Variants in ZNF48 observed in about 807,000 individuals in gnomAD.
ZNF48 encodes the protein zinc finger protein 48, also known as zinc finger protein 553.
In ZNF48, 20 loss-of-function variants were observed where a neutral mutation model predicts 40.0. That is an observed-to-expected ratio of 0.50 (90% CI 0.35 to 0.73). The LOEUF (loss-of-function observed/expected upper bound fraction) is 0.73. Among genes scored for constraint, ZNF48 ranks in the 30% least tolerant of loss-of-function variants. ZNF48 has a pLI of 0.01. For synonymous variants in ZNF48, 298 were observed against 329.7 expected (o/e 0.90, Z 1.04); for missense variants, 726 against 851.9 (o/e 0.85, Z 1.84).
rs776191661 is a variant in ZNF48 at position 30,398,006 on chromosome 16, G to A, written c.756G>A (p.Val252=). ...GGGAGCAGCCCCCCCGACCAGTGGT[G>A]CCCCGACGGCAGCCATCTCGGGCAG... ...HRGEQPPRPV[V]PRRQPSRAAT... Residue 252 remains valine (V), a synonymous_variant, in exon 3 of 3, where the codon GTG becomes GTA. Coordinates refer to ENST00000613509, the MANE Select transcript of ZNF48 (RefSeq NM_001214909.2). The surrounding 1 kb of genome is among the most constrained non-coding windows in gnomAD (Gnocchi z 6.6). 3.7e-6 allele frequency: 6 copies of A among 1,612,942 alleles called. No homozygotes were observed. The highest frequency in any genetic ancestry group is 5.1e-6 in the Non-Finnish European group (6 of 1,179,462).
Position 30,398,734 on chromosome 16 carries a change from T to C in ZNF48, c.1484T>C (p.Val495Ala). The C allele has an allele frequency of 6.2e-7, 1 of 1,613,432 alleles. No individual in the cohort carries two copies. Among genetic ancestry groups the C allele is most frequent in the Non-Finnish European group, 8.5e-7 (1 of 1,179,910 alleles). The change falls in exon 3 of 3, where the codon GTC becomes GCC. Residue 495 changes from valine to alanine, a missense_variant. Val to Ala is a moderately conservative substitution (Grantham distance 64). Around this residue, in one of 5 missense-constraint regions of ZNF48, gnomAD observed 25 missense variants for 51.5 expected, o/e 0.49. Coordinates refer to ENST00000613509, the MANE Select transcript of ZNF48 (RefSeq NM_001214909.2). This position sits in a 1 kb window ranked among gnomAD's most constrained non-coding sequence, Gnocchi z 6.6. The part of the protein sequence containing the change: ...GKGFADSSAR[V>A]KHLRTHRGER... ...GGTTTTGCTGACAGCTCAGCCCGAGTCAAGCACCTCCGCACCCACCGTGGT... is the reference window on the plus strand; with the variant it reads ...GGTTTTGCTGACAGCTCAGCCCGAGCCAAGCACCTCCGCACCCACCGTGGT...
Position 30,399,597 on chromosome 16 carries a change from A to C in ZNF48, c.*490A>C, listed in dbSNP as rs1316353105. The C allele has an allele frequency of 6.5e-6, 1 of 153,548 alleles. No individual in the cohort carries two copies. The highest frequency in any genetic ancestry group is 1.4e-5 in the Non-Finnish European group (1 of 69,132). The allele number at this position is 153,548 out of a possible 1,614,324, so 9.5% of individuals were successfully genotyped here. A position where few individuals can be genotyped will look rare whatever the true frequency, so the allele number is the denominator to read the frequency against. On this transcript the variant is annotated 3_prime_UTR_variant, in exon 3 of 3. Transcript: ENST00000613509. ...CTTGCTCTGGGAGACCAATGCCTGA[A>C]CCAGGGTTTGTTTACCTTCTGAGCT...
chr16:30,389,116 G>C (rs2049922005), intron 1 of ZNF48, among the ~76,000 whole-genome samples: 1 of 151,814 alleles, frequency 6.6e-6, no homozygotes, highest in Non-Finnish European at 1.5e-5. Flanking sequence ...AAAATTGGCT[G>C]GGCACAGTGG....
At chr16:30,393,471 G>A (rs1401816789), upstream of ZNF48, among the ~76,000 whole-genome samples, 3 of 144,912 alleles carry the variant, frequency 2.1e-5, no homozygotes, top group African/African-American at 5.1e-5. Flanking sequence ...TCCAACCTCC[G>A]CCTCTCAGGT....
chr16:30,390,543 G>T (rs1231023666), upstream of ZNF48, among the ~76,000 whole-genome samples: 2 of 149,568 alleles, frequency 1.3e-5, no homozygotes, highest in African/African-American at 2.5e-5. Flanking sequence ...CGAGTAGCTG[G>T]GGCTACAGGC....
chr16:30,390,184 T>C (rs1214052240), intron 1 of ZNF48, among the ~76,000 whole-genome samples: 1 of 152,024 alleles, frequency 6.6e-6, no homozygotes, highest in East Asian at 1.9e-4. Flanking sequence ...ACCCCTTGCA[T>C]CCCTTGAGGG....
rs757552179 is a variant in ZNF48 at position 30,398,942 on chromosome 16, A to G, written c.1692A>G (p.Thr564=). The G allele has an allele frequency of 6.2e-7, 1 of 1,613,702 alleles. No individual in the cohort carries two copies. The highest frequency in any genetic ancestry group is 2.2e-5 in the East Asian group (1 of 44,852). Reference sequence around the variant, plus strand: ...CAGATCTGGTCAAACACAGGCGTACACACACGGGGGAGAAGCCATACAAGT... The same window carrying G: ...CAGATCTGGTCAAACACAGGCGTACGCACACGGGGGAGAAGCCATACAAGT... ...RSSDLVKHRR[T]HTGEKPYKCA... is the part of the protein sequence containing the mutation. Residue 564 remains threonine, a synonymous_variant, in exon 3 of 3, where the codon ACA becomes ACG. Transcript: ENST00000613509. This position sits in a 1 kb window ranked among gnomAD's most constrained non-coding sequence, Gnocchi z 6.6.
At chr16:30,380,228 G>A (rs1177552319) in intron 1 of ZNF48, 1 of 389,810 alleles carries the variant, frequency 2.6e-6, no homozygotes, top group Non-Finnish European at 4.7e-6. Context: ...AGAAACACAA[G>A]ATTCTAAGAT....
chr16:30,390,906 G>A (rs2049937948), upstream of ZNF48, among the ~76,000 whole-genome samples: 1 of 151,526 alleles, frequency 6.6e-6, no homozygotes, highest in Non-Finnish European at 1.5e-5. Flanking sequence ...TTACAGGCGT[G>A]AGCCACCGCG....
intron 1 of ZNF48, among the ~76,000 whole-genome samples, chr16:30,389,517 G>A (rs942580131): frequency 6.6e-6 from 1 of 151,038 alleles, no homozygotes; most frequent in African/African-American, 2.4e-5. Context: ...AGGTTGTGGT[G>A]AGCCGAGATC....
intron 1 of ZNF48, chr16:30,379,449 C>CAGGAGTAGCGGCGTCCCCT (rs780935716): frequency 8.1e-6 from 13 of 1,613,792 alleles, no homozygotes; most frequent in Non-Finnish European, 1.1e-5. Context: ...CACGGTCCCC[C>CAGGAGTAGCGGCGTCCCCT]AGGAGTAGCG....
chr16:30,392,501 C>T (rs531268482), upstream of ZNF48, among the ~76,000 whole-genome samples: 2 of 152,322 alleles, frequency 1.3e-5, no homozygotes, highest in South Asian at 4.1e-4. Context: ...TCAGCCCCCA[C>T]TGCCTGGAGT....
In ZNF48 at chr16:30,397,425, G is replaced by A; in HGVS notation, c.175G>A (p.Asp59Asn). 1 of 1,614,128 alleles carries A rather than the reference G, an allele frequency of 6.2e-7. No homozygotes were observed. Among genetic ancestry groups the A allele is most frequent in the African/African-American group, 1.3e-5 (1 of 75,036 alleles). ...LGFKEEDLAP[D>N]HEVGNASLKP... The stretch of plus-strand genomic sequence containing the variant: ...GTTCAAGGAAGAAGATTTGGCTCCA[G>A]ATCATGAAGTAGGAAATGCCTCTCT... The change falls in exon 3 of 3, where the codon GAT becomes AAT. Residue 59 changes from aspartate to asparagine, a missense_variant. Around this residue, in one of 5 missense-constraint regions of ZNF48, gnomAD observed 151 missense variants for 162.3 expected, o/e 0.93. Transcript: ENST00000613509. This position sits in a 1 kb window ranked among gnomAD's most constrained non-coding sequence, Gnocchi z 4.1.
chr16:30,390,737 C>T (rs1311350331), upstream of ZNF48, among the ~76,000 whole-genome samples: 1 of 150,780 alleles, frequency 6.6e-6, no homozygotes, highest in Non-Finnish European at 1.5e-5. Context: ...TATCCTGCCT[C>T]AGCCTCCTGA....
intron 1 of ZNF48, chr16:30,379,055 G>C (rs377571349): frequency 6.2e-7 from 1 of 1,613,916 alleles, no homozygotes; most frequent in Non-Finnish European, 8.5e-7. Flanking sequence ...GGCCGGGCCA[G>C]GCTCTGTAGG....
chr16:30,378,325 G>A, exon 1 of ZNF48: 2 of 1,089,958 alleles, frequency 1.8e-6, no homozygotes, highest in Non-Finnish European at 2.6e-6. Context: ...GCCCGCGCGA[G>A]GGCGGCACCC....
chr16:30,397,528 G>A lies in ZNF48; in HGVS notation c.278G>A (p.Arg93Lys), dbSNP rs750414212. 1.2e-6 allele frequency: 2 copies of A among 1,614,176 alleles called. No homozygotes were observed. Among genetic ancestry groups the A allele is most frequent in the Admixed American group, 1.7e-5 (1 of 60,018 alleles). The stretch of plus-strand genomic sequence containing the variant: ...CTAGGAAAGCCTCAGCCTCGGGACA[G>A]AGGCCCCCGGCTCCTGGGTGAACCA... ...EGLGKPQPRD[R>K]GPRLLGEPRW... The change falls in exon 3 of 3, where the codon AGA (arginine) becomes AAA (lysine). Residue 93 changes from arginine to lysine, a missense_variant. By Grantham distance (26) the Arg-to-Lys change is conservative (BLOSUM62 2). This residue lies in a region of ZNF48 where 151 missense variants were observed against 162.3 expected (regional missense o/e 0.93). Transcript: ENST00000613509. This position sits in a 1 kb window ranked among gnomAD's most constrained non-coding sequence, Gnocchi z 4.1.
chr16:30,395,437 GC>G lies in ZNF48; in HGVS notation c.-152del. On this transcript the variant is annotated 5_prime_UTR_variant, in exon 1 of 3. Coordinates refer to ENST00000613509, the MANE Select transcript of ZNF48 (RefSeq NM_001214909.2). The surrounding 1 kb of genome is among the most constrained non-coding windows in gnomAD (Gnocchi z 5.9). ...CTTCCCGTCCCCGCCCCCGGTGGCCGCCCCCGGGACGCCTGGGTCCGAGCCC... is the reference window on the plus strand; with the variant it reads ...CTTCCCGTCCCCGCCCCCGGTGGCCGCCCCGGGACGCCTGGGTCCGAGCCC... The G allele has an allele frequency of 3.7e-5, 13 of 353,884 alleles. No individual in the cohort carries two copies. The highest frequency in any genetic ancestry group is 7.5e-5 in the Admixed American group (2 of 26,732). 21.9% of individuals were successfully genotyped at this position (353,884 alleles called of 1,614,324 possible). A position where few individuals can be genotyped will look rare whatever the true frequency, so the allele number is the denominator to read the frequency against.
chr16:30,383,788 C>T (rs2049878155), intron 1 of ZNF48, among the ~76,000 whole-genome samples: 1 of 152,240 alleles, frequency 6.6e-6, no homozygotes, highest in African/African-American at 2.4e-5. Flanking sequence ...GTCCTTGGCT[C>T]TCTACCCACA....
Sources: allele counts gnomAD v4.1 joint callset (sites outside exome capture counted in the v4.1 genomes callset), GRCh38; gene constraint gnomAD v4.1.1; regional missense constraint gnomAD v4.1.1; non-coding constraint Gnocchi (gnomAD v3.1); transcripts MANE v1.5; gene names NCBI Gene and HGNC (gene_info 2026-07-23, HGNC 2026-07-21).